WDHD1: variants seen among roughly 807,000 people sequenced by gnomAD.
WDHD1 encodes WD repeat and HMG-box DNA-binding protein 1.
In WDHD1, 111 loss-of-function variants were observed where a neutral mutation model predicts 135.4. That is an observed-to-expected ratio of 0.82 (90% CI 0.70 to 0.96). The LOEUF is 0.96. WDHD1 is among the 40% of genes least tolerant of loss of function. The pLI is 0.00. For synonymous variants in WDHD1, 434 were observed against 439.0 expected, an observed-to-expected ratio of 0.99 and a Z score of 0.14; for missense variants, 1,351 against 1,336.3, an observed-to-expected ratio of 1.01 and a Z score of -0.17.
chr14:55,008,019 C>A (rs1595117039), intron 6 of WDHD1, among the ~76,000 whole-genome samples: 1 of 152,316 alleles, frequency 6.6e-6, no homozygotes, highest in East Asian at 1.9e-4. Flanking sequence ...AGGCCCAACG[C>A]ATGGTCATTA....
chr14:54,970,091 C>T (rs951851925), intron 16 of WDHD1, among the ~76,000 whole-genome samples: 2 of 152,090 alleles, frequency 1.3e-5, no homozygotes, highest in African/African-American at 4.8e-5. Flanking sequence ...ACAGACAACA[C>T]CATATGAATG....
chr14:54,953,889 G>T (rs548959921), intron 24 of WDHD1, among the ~76,000 whole-genome samples: 2 of 151,996 alleles, frequency 1.3e-5, no homozygotes, highest in Admixed American at 6.6e-5. Context: ...ACCAAACACC[G>T]CATGTTCTCA....
intron 24 of WDHD1, among the ~76,000 whole-genome samples, chr14:54,950,474 T>C (rs1300075178): frequency 1.3e-5 from 2 of 152,042 alleles, no homozygotes; most frequent in Non-Finnish European, 2.9e-5. Context: ...ATGCACCCAA[T>C]ACAGGAGCAC....
At chr14:55,005,611 A>C (rs1461200698) in intron 7 of WDHD1, 2 of 599,422 alleles carry the variant, frequency 3.3e-6, no homozygotes, top group East Asian at 4.0e-5. Context: ...AGCTGGTGCT[A>C]CCTAAGTGGG....
intron 18 of WDHD1, among the ~76,000 whole-genome samples, chr14:54,964,860 T>C (rs2041316295): frequency 6.6e-6 from 1 of 152,148 alleles, no homozygotes; most frequent in Non-Finnish European, 1.5e-5. Context: ...CTAGGCTAAA[T>C]AGCAAATACA....
chr14:54,952,743 T>A (rs965012884), intron 24 of WDHD1, among the ~76,000 whole-genome samples: 1 of 150,606 alleles, frequency 6.6e-6, no homozygotes, highest in African/African-American at 2.4e-5. Flanking sequence ...CTTCAAACTA[T>A]ACAAAACAGC....
At chr14:54,961,907 G>C (rs1417348788) in intron 21 of WDHD1, among the ~76,000 whole-genome samples, 5 of 151,684 alleles carry the variant, frequency 3.3e-5, no homozygotes, top group Non-Finnish European at 7.4e-5. Flanking sequence ...CACGATCTCG[G>C]CTCACTGCTA....
intron 15 of WDHD1, among the ~76,000 whole-genome samples, chr14:54,982,334 G>A (rs2041632483): frequency 6.6e-6 from 1 of 152,090 alleles, no homozygotes; most frequent in Admixed American, 6.6e-5. Context: ...GCCAATTTTA[G>A]TAAAAAATTA....
chr14:54,962,852 A>T lies in WDHD1; in HGVS notation c.2533T>A (p.Tyr845Asn). Residue 845 changes from tyrosine (Y) to asparagine (N), a missense_variant and splice_region_variant, in exon 20 of 26, where the codon TAC becomes AAC. By Grantham distance (143) the Tyr-to-Asn change is moderately radical (BLOSUM62 -2). Around this residue, in one of 2 missense-constraint regions of WDHD1, gnomAD observed 1,330 missense variants for 1,296.1 expected, o/e 1.03. Transcript: ENST00000360586. ...EDFRKKLNAGYSNTATEWSQP... is the reference protein window; with the variant it reads ...EDFRKKLNAGNSNTATEWSQP... Reference sequence around the variant, plus strand: ...CTCCACTCTGTAGCAGTATTGCTGTAACTAAGAGAAAATAATATTATTCAA... The same window carrying T: ...CTCCACTCTGTAGCAGTATTGCTGTTACTAAGAGAAAATAATATTATTCAA... 1 of 1,611,868 alleles carries T rather than the reference A, an allele frequency of 6.2e-7. No homozygotes were observed. Among genetic ancestry groups the T allele is most frequent in the Non-Finnish European group, 8.5e-7 (1 of 1,179,900 alleles).
chr14:54,996,497 G>A (rs1001205788), intron 10 of WDHD1, among the ~76,000 whole-genome samples: 1 of 152,148 alleles, frequency 6.6e-6, no homozygotes, highest in Non-Finnish European at 1.5e-5. Flanking sequence ...CTACCTGCGA[G>A]GCTGAGGTAG....
At position 54,942,178 on chromosome 14, in the gene WDHD1, G is replaced by A. The variant is rs964167392; in HGVS notation, c.3190-488C>T. 2.6e-5 allele frequency among the ~76,000 whole-genome samples: 4 copies of A among 152,186 alleles called. No homozygotes were observed. In the East Asian group the frequency reaches 7.7e-4, roughly 29 times the overall value. On this transcript the variant is annotated intron_variant, in intron 25 of 25. Coordinates refer to ENST00000360586, the MANE Select transcript of WDHD1 (RefSeq NM_007086.4). The stretch of plus-strand genomic sequence containing the variant: ...AGGCAGGAGACTAGAGTGAACCCGG[G>A]AGGTGGAGCCTGCAGTGAGCTGAGA...
chr14:55,004,518 T>A (rs964955331), intron 7 of WDHD1, among the ~76,000 whole-genome samples: 2 of 152,200 alleles, frequency 1.3e-5, no homozygotes, highest in African/African-American at 4.8e-5. Context: ...AGTATTGTGA[T>A]CTTGGCTCAC....
chr14:55,019,850 C>T lies in WDHD1; in HGVS notation c.78-6254G>A, dbSNP rs138884409. Among the ~76,000 whole-genome samples, 40 of 152,318 alleles carry T rather than the reference C, an allele frequency of 2.6e-4. No individual in the cohort carries two copies. The East Asian group carries it at 6.9e-3, about 26-fold the overall frequency. On this transcript the variant is annotated intron_variant, in intron 2 of 25. Coordinates refer to ENST00000360586, the MANE Select transcript of WDHD1 (RefSeq NM_007086.4). ...TGCCACTGCACTCCAGCCTGGGCGA[C>T]AGAGCTAGACTCCATCTCAACAAAA... is the stretch of plus-strand genomic sequence containing the variant.
At position 54,941,397 on chromosome 14, in the gene WDHD1, A is replaced by T. The variant is rs998071442; in HGVS notation, c.*93T>A. Reference sequence around the variant, plus strand: ...AACAGTTGCTTCAAACTCTTTAAAAAATATATATATAATGAGTTTCCCAAA... The same window carrying T: ...AACAGTTGCTTCAAACTCTTTAAAATATATATATATAATGAGTTTCCCAAA... On this transcript the variant is annotated 3_prime_UTR_variant, in exon 26 of 26. Coordinates refer to ENST00000360586, the MANE Select transcript of WDHD1 (RefSeq NM_007086.4). The T allele has an allele frequency of 2.9e-5, 30 of 1,048,814 alleles. No homozygotes were observed. Among genetic ancestry groups the T allele is most frequent in the Middle Eastern group, 6.3e-4 (2 of 3,154 alleles). 65.0% of individuals were successfully genotyped at this position (1,048,814 alleles called of 1,614,324 possible).
At position 55,010,288 on chromosome 14, in the gene WDHD1, T is replaced by C. The variant is rs779710325; in HGVS notation, c.341+21A>G. On this transcript the variant is annotated intron_variant, in intron 4 of 25. Coordinates refer to ENST00000360586, the MANE Select transcript of WDHD1 (RefSeq NM_007086.4). ...CTTTTGTTCTAACATTATTTCCTTT[T>C]CTGATGTCAAAGAGCCTTACCTAGA... The C allele has an allele frequency of 1.9e-6, 3 of 1,556,276 alleles. No homozygotes were observed. The African/African-American group carries it at 4.2e-5, about 22-fold the overall frequency.
At chr14:54,950,878 A>G (rs2041038653) in intron 24 of WDHD1, among the ~76,000 whole-genome samples, 1 of 152,222 alleles carries the variant, frequency 6.6e-6, no homozygotes, top group Non-Finnish European at 1.5e-5. Flanking sequence ...GAAACTGAAC[A>G]ACCTGCTCCT....
At chr14:55,006,061 G>T (rs1315570296) in intron 7 of WDHD1, among the ~76,000 whole-genome samples, 1 of 151,840 alleles carries the variant, frequency 6.6e-6, no homozygotes, top group Non-Finnish European at 1.5e-5. Context: ...ACGAGGTCTT[G>T]CTATGTTGCC....
At chr14:54,952,028 C>A (rs1454125052) in intron 24 of WDHD1, among the ~76,000 whole-genome samples, 2 of 152,188 alleles carry the variant, frequency 1.3e-5, no homozygotes, top group Non-Finnish European at 2.9e-5. Context: ...AACCCACAGC[C>A]AATATCATAC....
At chr14:54,952,128 G>A (rs894689183) in intron 24 of WDHD1, among the ~76,000 whole-genome samples, 19 of 152,180 alleles carry the variant, frequency 1.2e-4, no homozygotes, top group Non-Finnish European at 2.4e-4. Flanking sequence ...CATAGTGTTG[G>A]AAGTTCTGGC....
Sources: allele counts gnomAD v4.1 joint callset (sites outside exome capture counted in the v4.1 genomes callset), GRCh38; gene constraint gnomAD v4.1.1; regional missense constraint gnomAD v4.1.1; transcripts MANE v1.5; gene names NCBI Gene and HGNC (gene_info 2026-07-23, HGNC 2026-07-21).